Variants in MRPS33 observed in about 807,000 individuals in gnomAD.
The protein encoded by MRPS33 is small ribosomal subunit protein mS33.
In MRPS33, 11 loss-of-function variants were observed where a neutral mutation model predicts 11.2. The ratio of observed to expected loss-of-function variants is 0.99; its 90% confidence interval spans 0.62 to 1.63. MRPS33 has a LOEUF of 1.63. Among genes scored for constraint, MRPS33 ranks in the 40% most tolerant of loss-of-function variants. The pLI is 0.00. For missense variants in MRPS33, 109 were observed against 127.8 expected (o/e 0.85, Z 0.71); for synonymous variants, 46 against 44.0 (o/e 1.05, Z -0.18).
At chr7:141,012,638 T>C (rs978425003) in intron 1 of MRPS33, among the ~76,000 whole-genome samples, 1 of 152,238 alleles carries the variant, frequency 6.6e-6, no homozygotes, top group African/African-American at 2.4e-5. Flanking sequence ...AACTTTGCTT[T>C]GTTTGCTTAA....
intron 1 of MRPS33, among the ~76,000 whole-genome samples, chr7:141,012,422 G>A (rs1222528186): frequency 6.6e-6 from 1 of 152,054 alleles, no homozygotes; most frequent in East Asian, 1.9e-4. Context: ...GGTTGGGGGT[G>A]GGGTTGTTAG....
In MRPS33 at chr7:141,012,031, A is replaced by C. The variant is rs147562966; in HGVS notation, c.-27-1371T>G. 2.1e-4 allele frequency among the ~76,000 whole-genome samples: 32 copies of C among 151,882 alleles called. No homozygotes were observed. The East Asian group carries it at 4.8e-3, about 23-fold the overall frequency. On this transcript the variant is annotated intron_variant, in intron 1 of 2. Coordinates refer to ENST00000324787, the MANE Select transcript of MRPS33 (RefSeq NM_053035.3). ...AAGAAAATAAGAAAATTAGTCTGCT[A>C]TGGTAGTGCACACCTGTAGTTCCAG...
At chr7:141,013,964 G>C (rs1386880503) in intron 1 of MRPS33, among the ~76,000 whole-genome samples, 1 of 152,220 alleles carries the variant, frequency 6.6e-6, no homozygotes, top group Non-Finnish European at 1.5e-5. Flanking sequence ...AACAGTGGAA[G>C]TGTACATCTG....
rs540049570 is a variant in MRPS33 at position 141,014,090 on chromosome 7, T to A, written c.-28+821A>T. Among the ~76,000 whole-genome samples the A allele has an allele frequency of 9.2e-5, 14 of 152,298 alleles. No homozygotes were observed. The South Asian group carries it at 2.7e-3, about 29-fold the overall frequency. On this transcript the variant is annotated intron_variant, in intron 1 of 2. Coordinates refer to ENST00000324787, the MANE Select transcript of MRPS33 (RefSeq NM_053035.3). ...ACCAGCTGCAGAATAAAAAAGCTGG[T>A]TGGAATCTCGCCTCTGCCTTTTAAT... is the stretch of plus-strand genomic sequence containing the variant.
At position 141,014,939 on chromosome 7, in the gene MRPS33, C is replaced by G. The variant is rs1175400168; in HGVS notation, c.-56G>C. 1 of 152,554 alleles carries G rather than the reference C, an allele frequency of 6.6e-6. No homozygotes were observed. Among genetic ancestry groups the G allele is most frequent in the Non-Finnish European group, 1.5e-5 (1 of 68,330 alleles). The allele number at this position is 152,554 out of a possible 1,614,324, so 9.5% of individuals were successfully genotyped here. On this transcript the variant is annotated 5_prime_UTR_variant, in exon 1 of 3. Coordinates refer to ENST00000324787, the MANE Select transcript of MRPS33 (RefSeq NM_053035.3). The stretch of plus-strand genomic sequence containing the variant: ...GACCTGACCTTCCTCACCCACGCGC[C>G]CTCGTCCCGGAAGGCCCGCCCTCTA...
At chr7:141,014,151 C>A (rs1183048922) in intron 1 of MRPS33, among the ~76,000 whole-genome samples, 2 of 152,246 alleles carry the variant, frequency 1.3e-5, no homozygotes, top group South Asian at 2.1e-4. Flanking sequence ...TTATTCTCTG[C>A]CAGGTTCTCT....
rs548645362 is a variant in MRPS33 at position 141,002,622 on chromosome 7, T to C, written c.*3808A>G. On this transcript the variant is annotated 3_prime_UTR_variant, in exon 3 of 3. Coordinates refer to ENST00000324787, the MANE Select transcript of MRPS33 (RefSeq NM_053035.3). ...GGTGAAGCAGGCAGAATTTCAAATT[T>C]TGATTTATTCTTTCTTGGAAAATGA... The C allele has an allele frequency of 3.9e-6, 1 of 254,190 alleles. No individual in the cohort carries two copies. Among genetic ancestry groups the C allele is most frequent in the East Asian group, 8.9e-5 (1 of 11,272 alleles). 15.7% of individuals were successfully genotyped at this position (254,190 alleles called of 1,614,324 possible).
At chr7:141,014,633 A>T (rs1045658429) in intron 1 of MRPS33, 4 of 152,246 alleles carry the variant, frequency 2.6e-5, no homozygotes, top group African/African-American at 9.6e-5. Context: ...TGATGAGCAG[A>T]GAAACTGAGC....
At chr7:141,012,784 T>C (rs1357543717) in intron 1 of MRPS33, among the ~76,000 whole-genome samples, 1 of 152,220 alleles carries the variant, frequency 6.6e-6, no homozygotes, top group Non-Finnish European at 1.5e-5. Flanking sequence ...TCCAAGTCCC[T>C]TTATTTGTCA....
chr7:141,009,258 A>C (rs1219501054), intron 2 of MRPS33, among the ~76,000 whole-genome samples: 1 of 151,108 alleles, frequency 6.6e-6, no homozygotes, highest in Non-Finnish European at 1.5e-5. Context: ...CAGCCTCCCA[A>C]GTAGCTGGAA....
intron 1 of MRPS33, among the ~76,000 whole-genome samples, chr7:141,011,843 T>C (rs917543830): frequency 1.9e-4 from 29 of 151,976 alleles, no homozygotes; most frequent in African/African-American, 6.3e-4. Flanking sequence ...TTAATGCCTG[T>C]TTCAAGATCC....
At chr7:141,008,780 A>C (rs796667506) in intron 2 of MRPS33, among the ~76,000 whole-genome samples, 4 of 150,068 alleles carry the variant, frequency 2.7e-5, no homozygotes, top group African/African-American at 7.3e-5. Context: ...GGCATGTATT[A>C]GTTTGGTAAT....
rs1034833019 is a variant in MRPS33, at chr7:141,004,111, T to G, written c.*2319A>C. The G allele has an allele frequency of 2.0e-5, 3 of 152,196 alleles. No individual in the cohort carries two copies. The highest frequency in any genetic ancestry group is 7.2e-5 in the African/African-American group (3 of 41,460). The allele number at this position is 152,196 out of a possible 1,614,324, so 9.4% of individuals were successfully genotyped here. ...GTCAAGAGGTTGAGACCATCCTGGC[T>G]AACACAGTGAGACACCTTCTCTACT... is the stretch of plus-strand genomic sequence containing the variant. On this transcript the variant is annotated 3_prime_UTR_variant, in exon 3 of 3. Coordinates refer to ENST00000324787, the MANE Select transcript of MRPS33 (RefSeq NM_053035.3).
chr7:141,011,899 G>A (rs371396410), intron 1 of MRPS33, among the ~76,000 whole-genome samples: 1 of 151,928 alleles, frequency 6.6e-6, no homozygotes, highest in Non-Finnish European at 1.5e-5. Context: ...TATAATCCCA[G>A]TACTTTGAGA....
At chr7:141,012,855 C>T (rs1439513471) in intron 1 of MRPS33, among the ~76,000 whole-genome samples, 24 of 152,090 alleles carry the variant, frequency 1.6e-4, no homozygotes, top group Non-Finnish European at 1.5e-5. Context: ...TCACTTAATC[C>T]TTGGGTTATT....
At chr7:141,009,115 A>G (rs1215824521) in intron 2 of MRPS33, among the ~76,000 whole-genome samples, 1 of 151,514 alleles carries the variant, frequency 6.6e-6, no homozygotes, top group Non-Finnish European at 1.5e-5. Flanking sequence ...TTTAATGAGA[A>G]AGATCACACA....
chr7:141,008,152 A>G lies in MRPS33; in HGVS notation c.216-1617T>C, dbSNP rs988645551. On this transcript the variant is annotated intron_variant, in intron 2 of 2. Transcript: ENST00000324787. Reference sequence around the variant, plus strand: ...TGCCTGATGCCACAGGAGGCCTAGCATTAGAGGTATCATTTACCATACCTA... The same window carrying G: ...TGCCTGATGCCACAGGAGGCCTAGCGTTAGAGGTATCATTTACCATACCTA... Among the ~76,000 whole-genome samples the G allele has an allele frequency of 3.9e-5, 6 of 152,322 alleles. No individual in the cohort carries two copies. In the East Asian group the frequency reaches 1.2e-3, roughly 29 times the overall value.
chr7:141,014,207 A>C (rs1459292390), intron 1 of MRPS33: 2 of 152,230 alleles, frequency 1.3e-5, no homozygotes, highest in Non-Finnish European at 2.9e-5. Context: ...TGTGAAGCTA[A>C]TATGCAAAAT....
At chr7:141,008,142 G>A (rs1820580312) in intron 2 of MRPS33, among the ~76,000 whole-genome samples, 1 of 152,146 alleles carries the variant, frequency 6.6e-6, no homozygotes. Flanking sequence ...GATGCCACAG[G>A]AGGCCTAGCA....
Sources: allele counts gnomAD v4.1 joint callset (sites outside exome capture counted in the v4.1 genomes callset), GRCh38; gene constraint gnomAD v4.1.1; transcripts MANE v1.5; gene names NCBI Gene and HGNC (gene_info 2026-07-23, HGNC 2026-07-21).